ATG13: variants seen among roughly 807,000 people sequenced by gnomAD.
The protein encoded by ATG13 is autophagy related 13, also known as autophagy-related protein 13.
Under a neutral mutation model 65.5 loss-of-function variants are expected in ATG13, and 23 were observed. The ratio of observed to expected loss-of-function variants is 0.35; its 90% CI spans 0.25 to 0.50. ATG13 has a LOEUF of 0.50. Ranked by LOEUF, ATG13 falls within the 20% of genes least tolerant of loss-of-function variation. ATG13 has a pLI of 0.98. For missense variants in ATG13, 566 were observed against 677.0 expected, an observed-to-expected ratio of 0.84 and a Z score of 1.82; for synonymous variants, 252 against 245.2, an observed-to-expected ratio of 1.03 and a Z score of -0.26.
At chr11:46,656,956 ATTAAGGCTGCTGCAC>A (rs2060170905) in intron 8 of ATG13, 124 bp from the exon 9 acceptor site, 1 of 714,938 alleles carries the variant, frequency 1.4e-6, no homozygotes. Context: ...CACATATGAA[ATTAAGGCTGCTGCAC>A]TTAACATGCT....
chr11:46,643,049 T>C (rs2136229430), intron 2 of ATG13, among the ~76,000 whole-genome samples: 2 of 152,316 alleles, frequency 1.3e-5, no homozygotes, highest in Non-Finnish European at 2.9e-5. Flanking sequence ...GGTCTGTTTA[T>C]GCAAAGGAAG....
chr11:46,645,436 T>G lies in ATG13; in HGVS notation c.150+17T>G, dbSNP rs1195528888. On this transcript the variant is annotated intron_variant, in intron 4 of 18. Coordinates refer to ENST00000683050, the MANE Select transcript of ATG13 (RefSeq NM_001346311.2). ...TCAGATTGGGTAAAATTCTATTATT[T>G]ACTAAGGTGTATACTGTAGTGTTTG... 1 of 1,600,728 alleles carries G rather than the reference T, an allele frequency of 6.2e-7. No homozygotes were observed. The highest frequency in any genetic ancestry group is 8.6e-7 in the Non-Finnish European group (1 of 1,168,772).
intron 2 of ATG13, among the ~76,000 whole-genome samples, chr11:46,634,626 C>A (rs1565455954): frequency 6.6e-6 from 1 of 151,938 alleles, no homozygotes. Context: ...AACTCCTGAC[C>A]TCAAGTAATC....
intron 18 of ATG13, 109 bp from the exon 19 acceptor site, chr11:46,672,146 C>G (rs1421563115): frequency 6.4e-7 from 1 of 1,556,858 alleles, no homozygotes; most frequent in Non-Finnish European, 8.8e-7. Flanking sequence ...CTCGGCCCAG[C>G]TAGGGCTGAG....
chr11:46,623,386 C>G (rs900266198), intron 1 of ATG13, among the ~76,000 whole-genome samples: 1 of 152,082 alleles, frequency 6.6e-6, no homozygotes. Flanking sequence ...TTTCTCCACT[C>G]TATTATGGAC....
intron 2 of ATG13, among the ~76,000 whole-genome samples, chr11:46,631,176 ATATGTATG>A (rs777435926): frequency 2.0e-5 from 3 of 152,282 alleles, no homozygotes; most frequent in Non-Finnish European, 4.4e-5. Context: ...GTAGAACCCT[ATATGTATG>A]TATGTATGTA....
At chr11:46,641,612 T>G (rs1591745462) in intron 2 of ATG13, among the ~76,000 whole-genome samples, 1 of 152,218 alleles carries the variant, frequency 6.6e-6, no homozygotes, top group East Asian at 1.9e-4. Context: ...ATTTATAGAC[T>G]GAGAGGGGTG....
rs763417592 is a variant in ATG13, at chr11:46,644,372, A to G, written c.69+12A>G. The G allele has an allele frequency of 8.8e-6, 14 of 1,593,948 alleles. No individual in the cohort carries two copies. Among genetic ancestry groups the G allele is most frequent in the African/African-American group, 1.4e-5 (1 of 73,834 alleles). On this transcript the variant is annotated intron_variant, in intron 3 of 18. Coordinates refer to ENST00000683050, the MANE Select transcript of ATG13 (RefSeq NM_001346311.2). ...TTTTTGCCCTCAAGGTAATGTGTCC[A>G]TTCTCTTGAGCCTAGAACTGTTAGA...
At chr11:46,661,143 A>T (rs1395056168) in intron 11 of ATG13, among the ~76,000 whole-genome samples, 1 of 152,098 alleles carries the variant, frequency 6.6e-6, no homozygotes, top group Non-Finnish European at 1.5e-5. Flanking sequence ...CTCCCACCTC[A>T]GTCTCCCAAG....
At chr11:46,622,137 GA>G (rs2047926062) in intron 1 of ATG13, among the ~76,000 whole-genome samples, 1 of 116,842 alleles carries the variant, frequency 8.6e-6, no homozygotes, top group Non-Finnish European at 1.7e-5. Flanking sequence ...ATTTATTTTA[GA>G]GATGGTATTT....
chr11:46,631,032 A>G (rs60932698), intron 2 of ATG13: 27,244 of 151,924 alleles, frequency 0.18, 2,649 homozygotes, highest in African/African-American at 0.25. Flanking sequence ...TTATTTTCCA[A>G]TACTTCGTTG....
intron 2 of ATG13, among the ~76,000 whole-genome samples, chr11:46,632,767 A>G (rs965267376): frequency 5.1e-4 from 78 of 152,042 alleles, no homozygotes; most frequent in African/African-American, 1.8e-3. Flanking sequence ...GGGTGATACC[A>G]GGTAACCATC....
rs1312107224 is a variant in ATG13, at chr11:46,672,943, T to TC, written c.*614dup. The TC allele has an allele frequency of 9.4e-5, 57 of 605,216 alleles. No individual in the cohort carries two copies. The highest frequency in any genetic ancestry group is 1.3e-4 in the Non-Finnish European group (53 of 416,844). The allele number at this position is 605,216 out of a possible 1,614,324, so 37.5% of individuals were successfully genotyped here. On this transcript the variant is annotated 3_prime_UTR_variant, in exon 19 of 19. Transcript: ENST00000683050. ...CCCAAGATCAGAACTCCAAAACCAC[T>TC]CCCACCCCTGAAGGTCGGGAGGGTC...
At position 46,657,081 on chromosome 11, in the gene ATG13, A is replaced by G; in HGVS notation, c.500-14A>G. On this transcript the variant is annotated splice_polypyrimidine_tract_variant and intron_variant, in intron 8 of 18. Transcript: ENST00000683050. Reference sequence around the variant, plus strand: ...TCTCTGCAAAAGAAGCTAATAATGTATCTCTTCTCCTAGGCTTCCAGACAG... The same window carrying G: ...TCTCTGCAAAAGAAGCTAATAATGTGTCTCTTCTCCTAGGCTTCCAGACAG... 6.3e-7 allele frequency: 1 copy of G among 1,598,822 alleles called. No individual in the cohort carries two copies. The highest frequency in any genetic ancestry group is 8.6e-7 in the Non-Finnish European group (1 of 1,166,154).
intron 11 of ATG13, 30 bp from the exon 12 acceptor site, chr11:46,663,967 T>TTATA: frequency 1.6e-6 from 2 of 1,239,580 alleles, no homozygotes; most frequent in Non-Finnish European, 2.2e-6. Context: ...TTTTTTTGTT[T>TTATA]CTCCTGTCTC....
intron 2 of ATG13, among the ~76,000 whole-genome samples, chr11:46,640,865 G>A (rs889972250): frequency 2.0e-5 from 3 of 152,176 alleles, no homozygotes; most frequent in Admixed American, 6.6e-5. Flanking sequence ...GCACTTGAAC[G>A]CTGCTGGACT....
At chr11:46,630,498 C>T (rs1040553179) in intron 2 of ATG13, among the ~76,000 whole-genome samples, 3 of 151,496 alleles carry the variant, frequency 2.0e-5, no homozygotes, top group African/African-American at 4.9e-5. Flanking sequence ...TACCTGATTT[C>T]TCACTGTGCT....
chr11:46,626,074 G>C (rs1389957294), intron 1 of ATG13, among the ~76,000 whole-genome samples: 1 of 151,174 alleles, frequency 6.6e-6, no homozygotes, highest in South Asian at 2.1e-4. Flanking sequence ...TCCTGCCTCA[G>C]CCTCCCAAGT....
At chr11:46,664,118 G>C in intron 12 of ATG13, 23 bp downstream of exon 12, 2 of 1,498,234 alleles carry the variant, frequency 1.3e-6, no homozygotes, top group Non-Finnish European at 1.8e-6. Flanking sequence ...TGGGAAGAAG[G>C]GGATATAATC....
Sources: allele counts gnomAD v4.1 joint callset (sites outside exome capture counted in the v4.1 genomes callset), GRCh38; gene constraint gnomAD v4.1.1; transcripts MANE v1.5; gene names NCBI Gene and HGNC (gene_info 2026-07-23, HGNC 2026-07-21).